Variants in FBXL7 observed in about 807,000 individuals in gnomAD.
FBXL7 encodes the protein F-box/LRR-repeat protein 7.
FBXL7 carries 12 observed loss-of-function variants against 38.3 expected under a neutral mutation model. The ratio of observed to expected loss-of-function variants is 0.31; its 90% CI spans 0.20 to 0.51. The LOEUF (loss-of-function observed/expected upper bound fraction) is 0.51, where lower values mean the gene tolerates loss of function less well. Ranked by LOEUF, FBXL7 falls within the 20% of genes least tolerant of loss-of-function variation. The probability of loss-of-function intolerance (pLI) is 0.98; values close to 1 mark genes in which losing one functional copy is unlikely to be tolerated. For missense variants in FBXL7, 567 were observed against 676.4 expected (o/e 0.84, Z 1.79); for synonymous variants, 297 against 300.9 (o/e 0.99, Z 0.13).
chr5:15,521,702 G>A (rs571039879), intron 1 of FBXL7, among the ~76,000 whole-genome samples: 1 of 152,302 alleles, frequency 6.6e-6, no homozygotes, highest in Non-Finnish European at 1.5e-5. Context: ...GATCCAAGAC[G>A]TGAAGATGAG....
chr5:15,660,502 A>G (rs560938566), intron 2 of FBXL7, among the ~76,000 whole-genome samples: 1 of 152,240 alleles, frequency 6.6e-6, no homozygotes, highest in African/African-American at 2.4e-5. Flanking sequence ...GATTACAGGC[A>G]TCCACCACCA....
intron 2 of FBXL7, among the ~76,000 whole-genome samples, chr5:15,904,378 A>G (rs534203585): frequency 1.2e-4 from 19 of 152,334 alleles, no homozygotes; most frequent in Admixed American, 5.2e-4. Flanking sequence ...GAGCAATGCC[A>G]GACTCTAAAG....
At chr5:15,627,865 G>A (rs566488220) in intron 2 of FBXL7, among the ~76,000 whole-genome samples, 1 of 152,234 alleles carries the variant, frequency 6.6e-6, no homozygotes, top group South Asian at 2.1e-4. Flanking sequence ...AACTTCTCAT[G>A]GATAAACTAA....
intron 2 of FBXL7, among the ~76,000 whole-genome samples, chr5:15,756,437 A>G (rs1736298103): frequency 6.6e-6 from 1 of 152,128 alleles, no homozygotes; most frequent in African/African-American, 2.4e-5. Context: ...GTTAGCTGAA[A>G]GTAAATTACT....
At chr5:15,644,809 G>C (rs936986306) in intron 2 of FBXL7, among the ~76,000 whole-genome samples, 25 of 152,088 alleles carry the variant, frequency 1.6e-4, no homozygotes, top group Non-Finnish European at 3.2e-4. Flanking sequence ...CCCTTCCTTT[G>C]CTGGAAGGAG....
At position 15,782,118 on chromosome 5, in the gene FBXL7, G is replaced by T. The variant is rs190569901; in HGVS notation, c.128-145772G>T. Among the ~76,000 whole-genome samples, 746 of 152,248 alleles carry T rather than the reference G, an allele frequency of 4.9e-3. 3 individuals are homozygous for T. The highest frequency in any genetic ancestry group is 7.1e-3 in the Non-Finnish European group (480 of 68,022). On this transcript the variant is annotated intron_variant, in intron 2 of 3. Coordinates refer to ENST00000504595, the MANE Select transcript of FBXL7 (RefSeq NM_012304.5). ...GCTCCTTTGTTAGTTTGCTGAGAATGAGGGTTTCCAGCTTCATCCATGTCC... is the reference window on the plus strand; with the variant it reads ...GCTCCTTTGTTAGTTTGCTGAGAATTAGGGTTTCCAGCTTCATCCATGTCC...
At chr5:15,512,105 G>T (rs1008054046) in intron 1 of FBXL7, among the ~76,000 whole-genome samples, 1 of 152,104 alleles carries the variant, frequency 6.6e-6, no homozygotes, top group Non-Finnish European at 1.5e-5. Flanking sequence ...CAGCATCACC[G>T]GAGTCTTTAT....
intron 2 of FBXL7, among the ~76,000 whole-genome samples, chr5:15,702,848 G>GA (rs1164447577): frequency 6.6e-6 from 1 of 152,016 alleles, no homozygotes; most frequent in African/African-American, 2.4e-5. Context: ...AGCCAAGGGA[G>GA]ATAGGGGTGG....
intron 2 of FBXL7, among the ~76,000 whole-genome samples, chr5:15,775,712 G>A (rs984974852): frequency 6.6e-6 from 1 of 152,114 alleles, no homozygotes; most frequent in African/African-American, 2.4e-5. Context: ...CATGAGAATG[G>A]AATATGGGCC....
chr5:15,610,412 G>A (rs1740193418), intron 1 of FBXL7, among the ~76,000 whole-genome samples: 2 of 152,072 alleles, frequency 1.3e-5, no homozygotes, highest in Non-Finnish European at 2.9e-5. Context: ...ACAACTCCAG[G>A]GTCTAATCTG....
chr5:15,818,102 G>A (rs912924748), intron 2 of FBXL7, among the ~76,000 whole-genome samples: 2 of 152,068 alleles, frequency 1.3e-5, no homozygotes, highest in Non-Finnish European at 2.9e-5. Context: ...TTGTGTGTAT[G>A]CATGTGTGCA....
chr5:15,769,658 A>G (rs1036288539), intron 2 of FBXL7, among the ~76,000 whole-genome samples: 5 of 152,040 alleles, frequency 3.3e-5, no homozygotes, highest in Non-Finnish European at 7.4e-5. Flanking sequence ...CTTTAAAAAT[A>G]TGCTATATCT....
intron 1 of FBXL7, among the ~76,000 whole-genome samples, chr5:15,527,758 G>C (rs115618390): frequency 1.3e-4 from 20 of 152,116 alleles, no homozygotes; most frequent in Non-Finnish European, 7.3e-5. Context: ...TCATAGGATC[G>C]TAAAGTCGCA....
chr5:15,557,821 G>T (rs1163989993), intron 1 of FBXL7, among the ~76,000 whole-genome samples: 2 of 152,224 alleles, frequency 1.3e-5, no homozygotes, highest in African/African-American at 4.8e-5. Flanking sequence ...GTCCTCCTCA[G>T]TTCTCACTGC....
chr5:15,678,260 A>G (rs1742725840), intron 2 of FBXL7, among the ~76,000 whole-genome samples: 1 of 152,178 alleles, frequency 6.6e-6, no homozygotes, highest in African/African-American at 2.4e-5. Context: ...TAAAGTATGC[A>G]TGTGTTCCTC....
At chr5:15,881,773 T>C (rs1484802853) in intron 2 of FBXL7, among the ~76,000 whole-genome samples, 1 of 152,240 alleles carries the variant, frequency 6.6e-6, no homozygotes, top group Non-Finnish European at 1.5e-5. Context: ...AAGTTGATTA[T>C]CTTTAAAGGG....
chr5:15,875,251 C>T lies in FBXL7; in HGVS notation c.128-52639C>T, dbSNP rs573177376. Among the ~76,000 whole-genome samples the T allele has an allele frequency of 1.3e-4, 20 of 152,266 alleles. No individual in the cohort carries two copies. In the South Asian group the frequency reaches 3.9e-3, roughly 30 times the overall value. The stretch of plus-strand genomic sequence containing the variant: ...CTGGACCCCTTCCTTACATCTTACG[C>T]AAAAATTAACTCCAGATAGATTAAA... On this transcript the variant is annotated intron_variant, in intron 2 of 3. Transcript: ENST00000504595.
At chr5:15,735,723 G>A (rs1735732015) in intron 2 of FBXL7, among the ~76,000 whole-genome samples, 1 of 152,224 alleles carries the variant, frequency 6.6e-6, no homozygotes, top group Non-Finnish European at 1.5e-5. Context: ...AGGGCTTAGA[G>A]CAGATGACCT....
intron 2 of FBXL7, among the ~76,000 whole-genome samples, chr5:15,894,408 A>T (rs746688368): frequency 3.3e-5 from 5 of 152,262 alleles, no homozygotes; most frequent in African/African-American, 4.8e-5. Context: ...ATCAAAGCTG[A>T]TAACATTTTT....
Sources: gnomAD v4.1 joint callset for allele counts (sites outside exome capture counted in the v4.1 genomes callset) on GRCh38, gnomAD v4.1.1 for gene constraint, MANE v1.5 for transcripts, NCBI Gene and HGNC (gene_info 2026-07-23, HGNC 2026-07-21) for gene names.